Variants in BCL7B observed in about 807,000 individuals in gnomAD.
BCL7B encodes BAF chromatin remodeling complex subunit BCL7B.
Under a neutral mutation model 26.5 loss-of-function variants are expected in BCL7B, and 11 were observed. The ratio of observed to expected loss-of-function variants is 0.42; its 90% CI spans 0.26 to 0.69. The LOEUF (loss-of-function observed/expected upper bound fraction) is 0.69. BCL7B is among the 30% of genes least tolerant of loss of function. BCL7B has a pLI of 0.28. For synonymous variants in BCL7B, 111 were observed against 107.9 expected (o/e 1.03, Z -0.18); for missense variants, 215 against 264.4 (o/e 0.81, Z 1.30).
chr7:73,549,165 A>G (rs1481132263), intron 2 of BCL7B, among the ~76,000 whole-genome samples: 2 of 152,180 alleles, frequency 1.3e-5, no homozygotes, highest in African/African-American at 4.8e-5. Flanking sequence ...CATTGTTCCT[A>G]TTGGCCCTAA....
chr7:73,539,495 G>A (rs1209206017), intron 4 of BCL7B, among the ~76,000 whole-genome samples: 4 of 147,918 alleles, frequency 2.7e-5, no homozygotes, highest in East Asian at 4.1e-4. Context: ...CAAGTGACCC[G>A]CTCACCTCGA....
At position 73,548,697 on chromosome 7, in the gene BCL7B, G is replaced by A. The variant is rs555404519; in HGVS notation, c.168+3470C>T. On this transcript the variant is annotated intron_variant, in intron 2 of 5. Transcript: ENST00000223368. ...TGTAATCCCAACACTTTGGCAAGCC[G>A]AGGCGGGCGGATCACCTGAGATCGG... Among the ~76,000 whole-genome samples, 74 of 139,620 alleles carry A rather than the reference G, an allele frequency of 5.3e-4. 2 individuals carry two copies. The East Asian group carries it at 7.7e-3, about 15-fold the overall frequency. 91.6% of individuals were successfully genotyped at this position (139,620 alleles called of 152,430 possible).
At chr7:73,555,618 G>A (rs1792333597) in intron 1 of BCL7B, among the ~76,000 whole-genome samples, 2 of 152,146 alleles carry the variant, frequency 1.3e-5, no homozygotes, top group Admixed American at 1.3e-4. Context: ...GACTTCATTG[G>A]TAAGACAGCG....
At chr7:73,547,564 A>C (rs1435337396) in intron 2 of BCL7B, among the ~76,000 whole-genome samples, 6 of 152,224 alleles carry the variant, frequency 3.9e-5, no homozygotes, top group Non-Finnish European at 7.3e-5. Context: ...TAGATCACCT[A>C]CAAAGACTCA....
chr7:73,557,277 G>A lies in BCL7B; in HGVS notation c.92+210C>T, dbSNP rs1039051714. 7.0e-6 allele frequency: 8 copies of A among 1,135,994 alleles called. No homozygotes were observed. In the Admixed American group the frequency reaches 1.5e-4, roughly 21 times the overall value. 70.4% of individuals were successfully genotyped at this position (1,135,994 alleles called of 1,614,324 possible). On this transcript the variant is annotated intron_variant, in intron 1 of 5. Coordinates refer to ENST00000223368, the MANE Select transcript of BCL7B (RefSeq NM_001707.4). ...GCGCGGCAGCAGCCGCAGCAGGTGG[G>A]CGGGCCCGCGAGCCGGGAGGACCGC... is the stretch of plus-strand genomic sequence containing the variant.
At chr7:73,549,261 A>C (rs1554583819) in intron 2 of BCL7B, among the ~76,000 whole-genome samples, 1 of 152,254 alleles carries the variant, frequency 6.6e-6, no homozygotes, top group African/African-American at 2.4e-5. Context: ...AATACAGCAG[A>C]GAGAGCAATG....
rs529004203 is a variant in BCL7B at position 73,539,940 on chromosome 7, G to A, written c.378C>T (p.Thr126=). The change falls in exon 4 of 6, where the codon ACC becomes ACT. Residue 126 remains threonine (T), a synonymous_variant. Transcript: ENST00000223368. ...GGGAGTCATCCGTGCGGAAGTCGGA[G>A]GTGTGTGCTGGGCTCAGGGACTCAC... The part of the protein sequence containing the change: ...QQSESLSPAH[T]SDFRTDDSQP... The A allele has an allele frequency of 6.2e-7, 1 of 1,614,092 alleles. No homozygotes were observed. The highest frequency in any genetic ancestry group is 1.7e-5 in the Admixed American group (1 of 60,000).
In BCL7B at chr7:73,557,621, A is replaced by T; in HGVS notation, c.-43T>A. On this transcript the variant is annotated 5_prime_UTR_variant, in exon 1 of 6. Coordinates refer to ENST00000223368, the MANE Select transcript of BCL7B (RefSeq NM_001707.4). Reference sequence around the variant, plus strand: ...CGGGGGCCGGGGCACTGCTCCCAAGACACCGGGGATCGCGCGCCTCACGCG... The same window carrying T: ...CGGGGGCCGGGGCACTGCTCCCAAGTCACCGGGGATCGCGCGCCTCACGCG... 1 of 1,135,568 alleles carries T rather than the reference A, an allele frequency of 8.8e-7. No individual in the cohort carries two copies. The highest frequency in any genetic ancestry group is 1.1e-6 in the Non-Finnish European group (1 of 909,024). The allele number at this position is 1,135,568 out of a possible 1,614,324, so 70.3% of individuals were successfully genotyped here.
At position 73,551,051 on chromosome 7, in the gene BCL7B, A is replaced by T. The variant is rs892641349; in HGVS notation, c.168+1116T>A. 1.1e-4 allele frequency among the ~76,000 whole-genome samples: 16 copies of T among 152,230 alleles called. 1 individual carries two copies. The highest frequency in any genetic ancestry group is 3.9e-4 in the African/African-American group (16 of 41,460). On this transcript the variant is annotated intron_variant, in intron 2 of 5. Transcript: ENST00000223368. ...TACAGGTATCCAAATACATCCAACA[A>T]AGATGAAGCACAAAGGTCTACACCA... is the stretch of plus-strand genomic sequence containing the variant.
chr7:73,544,439 A>AAAAT lies in BCL7B; in HGVS notation c.169-799_169-796dup, dbSNP rs1158145394. ...AAAAACATAAAATAAAACAAAAAAT[A>AAAAT]AAATAAATAAATAAATAAATAAATA... On this transcript the variant is annotated intron_variant, in intron 2 of 5. Coordinates refer to ENST00000223368, the MANE Select transcript of BCL7B (RefSeq NM_001707.4). 2.0e-3 allele frequency among the ~76,000 whole-genome samples: 296 copies of AAAAT among 151,468 alleles called. 1 individual carries two copies. Among genetic ancestry groups the AAAAT allele is most frequent in the South Asian group, 0.01 (50 of 4,808 alleles).
intron 1 of BCL7B, among the ~76,000 whole-genome samples, chr7:73,554,830 G>C (rs1792304663): frequency 6.6e-6 from 1 of 151,758 alleles, no homozygotes; most frequent in Non-Finnish European, 1.5e-5. Flanking sequence ...GACATACTGG[G>C]AGTGTAAAGA....
chr7:73,553,291 G>A (rs1438838502), intron 1 of BCL7B, among the ~76,000 whole-genome samples: 1 of 152,042 alleles, frequency 6.6e-6, no homozygotes, highest in Non-Finnish European at 1.5e-5. Flanking sequence ...ACAATCTCAG[G>A]AGAGACACCT....
intron 2 of BCL7B, among the ~76,000 whole-genome samples, chr7:73,550,720 C>A (rs1371594437): frequency 1.3e-5 from 2 of 150,176 alleles, no homozygotes; most frequent in African/African-American, 2.5e-5. Context: ...TGCAGTGGTG[C>A]GATCTCGGCT....
chr7:73,550,374 G>A (rs1304584942), intron 2 of BCL7B, among the ~76,000 whole-genome samples: 1 of 151,790 alleles, frequency 6.6e-6, no homozygotes, highest in Non-Finnish European at 1.5e-5. Context: ...GGTGAAACCC[G>A]TCTCTACTTA....
chr7:73,548,565 C>T (rs928007037), intron 2 of BCL7B, among the ~76,000 whole-genome samples: 3 of 151,818 alleles, frequency 2.0e-5, no homozygotes, highest in Admixed American at 6.6e-5. Context: ...AGAAGTAAAC[C>T]GAGATTACAT....
chr7:73,549,521 G>C (rs962129680), intron 2 of BCL7B, among the ~76,000 whole-genome samples: 6 of 152,092 alleles, frequency 3.9e-5, no homozygotes, highest in East Asian at 1.9e-4. Flanking sequence ...TCTAAAAAAG[G>C]AAAAAGCGTG....
chr7:73,546,288 A>G (rs1791955495), intron 2 of BCL7B, among the ~76,000 whole-genome samples: 1 of 152,188 alleles, frequency 6.6e-6, no homozygotes, highest in Admixed American at 6.6e-5. Flanking sequence ...AGGCACCCTG[A>G]TAAACAGAAC....
chr7:73,540,061 C>A lies in BCL7B; in HGVS notation c.266-9G>T, dbSNP rs781906859. The stretch of plus-strand genomic sequence containing the variant: ...CTGGTTGCTGTTTTCGTCTGAAAAC[C>A]AAACAGAACAAAGGCAGCAGCTGAG... On this transcript the variant is annotated splice_polypyrimidine_tract_variant and intron_variant, in intron 3 of 5. Transcript: ENST00000223368. 6.2e-7 allele frequency: 1 copy of A among 1,612,198 alleles called. No homozygotes were observed.
intron 2 of BCL7B, among the ~76,000 whole-genome samples, chr7:73,549,682 T>C (rs1426116101): frequency 6.6e-6 from 1 of 152,126 alleles, no homozygotes; most frequent in African/African-American, 2.4e-5. Context: ...GAAAAAAAAT[T>C]AGCTGGGCAT....
Sources: gnomAD v4.1 joint callset for allele counts (sites outside exome capture counted in the v4.1 genomes callset) on GRCh38, gnomAD v4.1.1 for gene constraint, MANE v1.5 for transcripts, NCBI Gene and HGNC (gene_info 2026-07-23, HGNC 2026-07-21) for gene names.